Variants in AHNAK2 observed in about 807,000 individuals in gnomAD.
AHNAK2 encodes AHNAK nucleoprotein 2.
In AHNAK2, 18 loss-of-function variants were observed where a neutral mutation model predicts 30.7. The ratio of observed to expected loss-of-function variants is 0.59; its 90% CI spans 0.41 to 0.87. AHNAK2 has a LOEUF of 0.87. AHNAK2 is among the 40% of genes least tolerant of loss of function. The pLI, the probability that AHNAK2 is intolerant of heterozygous loss-of-function variation, is 0.00. For missense variants in AHNAK2, 8,604 were observed against 7,373.0 expected, an observed-to-expected ratio of 1.17 and a Z score of -6.11; for synonymous variants, 3,590 against 3,073.8, an observed-to-expected ratio of 1.17 and a Z score of -5.56.
At position 104,942,468 on chromosome 14, in the gene AHNAK2, A is replaced by G. The variant is rs376472501; in HGVS notation, c.12983T>C (p.Val4328Ala). ...EASLDVSALK[V>A]EADVSLPSMQ... Reference sequence around the variant, plus strand: ...GGAGGGGAGGCTCACGTCAGCCTCCACCTTCAGCGCAGACACATCCAACGA... The same window carrying G: ...GGAGGGGAGGCTCACGTCAGCCTCCGCCTTCAGCGCAGACACATCCAACGA... Residue 4328 changes from valine to alanine, a missense_variant, in exon 7 of 7, where the codon GTG (valine) becomes GCG (alanine). Physicochemically the swap from Val to Ala is moderately conservative, Grantham distance 64. Transcript: ENST00000333244. The G allele has an allele frequency of 6.1e-4, 991 of 1,611,550 alleles. 12 individuals are homozygous for G. The East Asian group carries it at 0.022, about 35-fold the overall frequency.
In AHNAK2 at chr14:104,951,950, C is replaced by T. The variant is rs761392049; in HGVS notation, c.3501G>A (p.Lys1167=). 1.3e-4 allele frequency: 205 copies of T among 1,611,630 alleles called. 1 individual carries two copies. The highest frequency in any genetic ancestry group is 2.6e-4 in the African/African-American group (19 of 74,086). The change falls in exon 7 of 7, where the codon AAG becomes AAA. Residue 1167 remains lysine, a synonymous_variant. Transcript: ENST00000333244. ...ACGCCCCGAACGATGGCATCTTGAA[C>T]TTGGGCATTTTGAACCTGCTGTCTT... is the stretch of plus-strand genomic sequence containing the variant. ...TAKDSRFKMP[K]FKMPSFGASA...
At chr14:104,974,864 G>A (rs1215678627) in intron 1 of AHNAK2, among the ~76,000 whole-genome samples, 1 of 152,216 alleles carries the variant, frequency 6.6e-6, no homozygotes, top group Admixed American at 6.5e-5. Context: ...GATGGCCAGT[G>A]CCCCCCACTT....
In AHNAK2 at chr14:104,944,970, G is replaced by T. The variant is rs377678493; in HGVS notation, c.10481C>A (p.Ala3494Asp). ...GVSAPGRSIE[A>D]SLDVSAPKVE... Reference sequence around the variant, plus strand: ...CTTCGGCGCAGACACATCCAGCGAGGCCTCGATGGACCTGCCTGGGGCCGA... The same window carrying T: ...CTTCGGCGCAGACACATCCAGCGAGTCCTCGATGGACCTGCCTGGGGCCGA... Residue 3494 changes from alanine (A) to aspartate (D), a missense_variant, in exon 7 of 7, where the codon GCC (alanine) becomes GAC (aspartate). Transcript: ENST00000333244. 37 of 1,612,968 alleles carry T rather than the reference G, an allele frequency of 2.3e-5. No individual in the cohort carries two copies. The highest frequency in any genetic ancestry group is 8.0e-5 in the African/African-American group (6 of 74,710).
rs1490265640 is a variant in AHNAK2 at position 104,944,698 on chromosome 14, G to A, written c.10753C>T (p.Leu3585=). The stretch of plus-strand genomic sequence containing the variant: ...CTCACTTCTGCCTTGGGGCCTTTCA[G>A]GTCCAGCTTGGGGCCCTTAACATCT... The part of the protein sequence containing the change: ...QIDVKGPKLD[L]KGPKAEVRVP... The change falls in exon 7 of 7, where the codon CTG becomes TTG. Residue 3585 remains leucine, a synonymous_variant. Coordinates refer to ENST00000333244, the MANE Select transcript of AHNAK2 (RefSeq NM_138420.4). 6.2e-7 allele frequency: 1 copy of A among 1,612,852 alleles called. No individual in the cohort carries two copies. The highest frequency in any genetic ancestry group is 8.5e-7 in the Non-Finnish European group (1 of 1,179,586).
chr14:104,948,860 C>A lies in AHNAK2; in HGVS notation c.6591G>T (p.Lys2197Asn). The A allele has an allele frequency of 6.2e-7, 1 of 1,611,506 alleles. No homozygotes were observed. Among genetic ancestry groups the A allele is most frequent in the Non-Finnish European group, 8.5e-7 (1 of 1,179,108 alleles). ...GGGGCTGAATGCTGAGGTCAGTGGT[C>A]TTGAGGTCCCCCTGCATGGAGGGGA... ...MSLPSMQGDLKTTDLSIQPLS... is the reference protein window; with the variant it reads ...MSLPSMQGDLNTTDLSIQPLS... The change falls in exon 7 of 7, where the codon AAG becomes AAT. Residue 2197 changes from lysine (K) to asparagine (N), a missense_variant. Transcript: ENST00000333244.
In AHNAK2 at chr14:104,952,255, G is replaced by A; in HGVS notation, c.3196C>T (p.Leu1066Phe). ...CCCTCGGGCAGGTGGCCCTCCGGGAGCTTCACATCCACCTGGTCAGCCTGG... is the reference window on the plus strand; with the variant it reads ...CCCTCGGGCAGGTGGCCCTCCGGGAACTTCACATCCACCTGGTCAGCCTGG... ...KVQADQVDVK[L>F]PEGHLPEGAG... The change falls in exon 7 of 7, where the codon CTC becomes TTC. Residue 1066 changes from leucine (L) to phenylalanine (F), a missense_variant. Transcript: ENST00000333244. 1 of 1,612,596 alleles carries A rather than the reference G, an allele frequency of 6.2e-7. No individual in the cohort carries two copies. The highest frequency in any genetic ancestry group is 8.5e-7 in the Non-Finnish European group (1 of 1,179,624).
chr14:104,978,318 C>G lies in AHNAK2; in HGVS notation c.-81G>C, dbSNP rs1899649776. ...GGCTCCGGCGCACGGGGCGGGCGGGCGGGAGCCGCGCTCTGCCCCGCTGCC... is the reference window on the plus strand; with the variant it reads ...GGCTCCGGCGCACGGGGCGGGCGGGGGGGAGCCGCGCTCTGCCCCGCTGCC... On this transcript the variant is annotated 5_prime_UTR_variant, in exon 1 of 7. Coordinates refer to ENST00000333244, the MANE Select transcript of AHNAK2 (RefSeq NM_138420.4). The G allele has an allele frequency of 3.1e-3, 432 of 141,424 alleles. No homozygotes were observed. Among genetic ancestry groups the G allele is most frequent in the Middle Eastern group, 0.01 (3 of 288 alleles). 8.8% of individuals were successfully genotyped at this position (141,424 alleles called of 1,614,324 possible).
Position 104,941,703 on chromosome 14 carries a change from A to C in AHNAK2, c.13748T>G (p.Met4583Arg). The C allele has an allele frequency of 6.2e-7, 1 of 1,613,352 alleles. No individual in the cohort carries two copies. Among genetic ancestry groups the C allele is most frequent in the South Asian group, 1.1e-5 (1 of 91,038 alleles). ...CAGAGACACCTCCACATCGGGGGCC[A>C]TCACCTCTGCCTTTGGGCCTTTCAG... ...LDLKGPKAEVMAPDVEVSLPS... is the reference protein window; with the variant it reads ...LDLKGPKAEVRAPDVEVSLPS... The change falls in exon 7 of 7, where the codon ATG becomes AGG. Residue 4583 changes from methionine (M) to arginine (R), a missense_variant. Met to Arg is a moderately conservative substitution (Grantham distance 91). Transcript: ENST00000333244.
At chr14:104,970,120 T>A (rs923934752) in intron 1 of AHNAK2, among the ~76,000 whole-genome samples, 2 of 152,050 alleles carry the variant, frequency 1.3e-5, no homozygotes, top group Non-Finnish European at 2.9e-5. Context: ...CCCAGGCTCC[T>A]TGGAAACAAG....
chr14:104,972,062 G>T (rs1460680519), intron 1 of AHNAK2, among the ~76,000 whole-genome samples: 2 of 152,256 alleles, frequency 1.3e-5, no homozygotes, highest in Non-Finnish European at 2.9e-5. Context: ...GGGTCCTCAA[G>T]TAGGCCAGAG....
chr14:104,947,678 G>C lies in AHNAK2; in HGVS notation c.7773C>G (p.Pro2591=), dbSNP rs759435820. The C allele has an allele frequency of 1.2e-6, 2 of 1,612,976 alleles. No homozygotes were observed. Among genetic ancestry groups the C allele is most frequent in the Non-Finnish European group, 1.7e-6 (2 of 1,179,616 alleles). The change falls in exon 7 of 7, where the codon CCC becomes CCG. Residue 2591 remains proline, a synonymous_variant. Coordinates refer to ENST00000333244, the MANE Select transcript of AHNAK2 (RefSeq NM_138420.4). ...CCTTGGGGCCTTTCAGGTCCAGCTTGGGGCCCTTGACATCTAGCTGGGGGC... is the reference window on the plus strand; with the variant it reads ...CCTTGGGGCCTTTCAGGTCCAGCTTCGGGCCCTTGACATCTAGCTGGGGGC... ...LKGPQLDVKG[P]KLDLKGPKAE...
rs201874096 is a variant in AHNAK2 at position 104,948,823 on chromosome 14, C to T, written c.6628G>A (p.Val2210Met). ...TCCACCTGGCCAGCCTGGACCTTCA[C>T]GTCGGCGGAAAGGGGCTGAATGCTG... ...DLSIQPLSAD[V>M]KVQAGQVDVK... The change falls in exon 7 of 7, where the codon GTG becomes ATG. Residue 2210 changes from valine to methionine, a missense_variant. Coordinates refer to ENST00000333244, the MANE Select transcript of AHNAK2 (RefSeq NM_138420.4). 186 of 1,588,782 alleles carry T rather than the reference C, an allele frequency of 1.2e-4. 1 individual carries two copies. In the South Asian group the frequency reaches 1.6e-3, roughly 14 times the overall value.
chr14:104,957,500 T>C lies in AHNAK2; in HGVS notation c.123A>G (p.Glu41=). 6.3e-7 allele frequency: 1 copy of C among 1,598,176 alleles called. No homozygotes were observed. The highest frequency in any genetic ancestry group is 8.5e-7 in the Non-Finnish European group (1 of 1,171,018). ...AETEDDHSVT[E]GPADEGIRPR... ...GTCGAATGCCCTCATCCGCAGGCCC[T>C]TCAGTCACCTGACGGGAGAGAATCC... Residue 41 remains glutamate, a synonymous_variant, in exon 3 of 7, where the codon GAA becomes GAG. Transcript: ENST00000333244.
In AHNAK2 at chr14:104,949,527, G is replaced by A; in HGVS notation, c.5924C>T (p.Ser1975Phe). The change falls in exon 7 of 7, where the codon TCC (serine) becomes TTC (phenylalanine). Residue 1975 changes from serine (S) to phenylalanine (F), a missense_variant. By Grantham distance (155) the Ser-to-Phe change is radical. Coordinates refer to ENST00000333244, the MANE Select transcript of AHNAK2 (RefSeq NM_138420.4). Reference sequence around the variant, plus strand: ...GGCAGTCATGTCCTTGTCGGCCAGGGACAGGTCTCCCTCCAGCCGCGCACC... The same window carrying A: ...GGCAGTCATGTCCTTGTCGGCCAGGAACAGGTCTCCCTCCAGCCGCGCACC... Reference protein sequence around the residue: ...LDGARLEGDLSLADKDMTAKD... With the variant: ...LDGARLEGDLFLADKDMTAKD... 2 of 1,588,284 alleles carry A rather than the reference G, an allele frequency of 1.3e-6. No homozygotes were observed. Among genetic ancestry groups the A allele is most frequent in the Non-Finnish European group, 1.7e-6 (2 of 1,163,054 alleles).
In AHNAK2 at chr14:104,952,255, G is replaced by C; in HGVS notation, c.3196C>G (p.Leu1066Val). ...KVQADQVDVK[L>V]PEGHLPEGAG... Reference sequence around the variant, plus strand: ...CCCTCGGGCAGGTGGCCCTCCGGGAGCTTCACATCCACCTGGTCAGCCTGG... The same window carrying C: ...CCCTCGGGCAGGTGGCCCTCCGGGACCTTCACATCCACCTGGTCAGCCTGG... The change falls in exon 7 of 7, where the codon CTC (leucine) becomes GTC (valine). Residue 1066 changes from leucine (L) to valine (V), a missense_variant. Physicochemically the swap from Leu to Val is conservative, Grantham distance 32. Transcript: ENST00000333244. The C allele has an allele frequency of 1.2e-6, 2 of 1,612,596 alleles. No homozygotes were observed. Among genetic ancestry groups the C allele is most frequent in the South Asian group, 1.1e-5 (1 of 91,034 alleles).
chr14:104,957,704 G>C, intron 1 of AHNAK2, 32 bp from the exon 2 acceptor site: 1 of 1,598,806 alleles, frequency 6.3e-7, no homozygotes, highest in Non-Finnish European at 8.5e-7. Flanking sequence ...GTGGAGACAA[G>C]CAGGCTGGGG....
In AHNAK2 at chr14:104,952,125, T is replaced by G. The variant is rs753457041; in HGVS notation, c.3326A>C (p.Asp1109Ala). ...PQVDVKGPKL[D>A]LKSPKAEVTA... Reference sequence around the variant, plus strand: ...GACTTCCGCCTTGGGGCTTTTCAGGTCCAGCTTGGGGCCCTTGACGTCCAC... The same window carrying G: ...GACTTCCGCCTTGGGGCTTTTCAGGGCCAGCTTGGGGCCCTTGACGTCCAC... Residue 1109 changes from aspartate (D) to alanine (A), a missense_variant, in exon 7 of 7, where the codon GAC (aspartate) becomes GCC (alanine). Transcript: ENST00000333244. 57 of 1,612,328 alleles carry G rather than the reference T, an allele frequency of 3.5e-5. No individual in the cohort carries two copies. The highest frequency in any genetic ancestry group is 4.5e-5 in the Non-Finnish European group (53 of 1,179,644).
chr14:104,978,179 G>T lies in AHNAK2; in HGVS notation c.55+4C>A. 1 of 1,212,454 alleles carries T rather than the reference G, an allele frequency of 8.2e-7. No individual in the cohort carries two copies. Among genetic ancestry groups the T allele is most frequent in the Non-Finnish European group, 1.0e-6 (1 of 975,020 alleles). The allele number at this position is 1,212,454 out of a possible 1,614,324, so 75.1% of individuals were successfully genotyped here. ...GAGCGGGCTGCAGGCGGGGAGGGGC[G>T]CACCGCTGCCGGGGGTTCCGGGCCA... On this transcript the variant is annotated splice_donor_region_variant and intron_variant, in intron 1 of 6. Coordinates refer to ENST00000333244, the MANE Select transcript of AHNAK2 (RefSeq NM_138420.4).
At position 104,945,350 on chromosome 14, in the gene AHNAK2, G is replaced by C. The variant is rs1479185481; in HGVS notation, c.10101C>G (p.Val3367=). 2 of 1,612,670 alleles carry C rather than the reference G, an allele frequency of 1.2e-6. No homozygotes were observed. The highest frequency in any genetic ancestry group is 1.7e-6 in the Non-Finnish European group (2 of 1,179,510). The part of the protein sequence containing the change: ...SIQLPSVDLE[V]QAGQVDVKLP... ...GCTTCACGTCCACCTGGCCAGCCTGGACCTCCAGGTCCACAGAAGGGAGCT... is the reference window on the plus strand; with the variant it reads ...GCTTCACGTCCACCTGGCCAGCCTGCACCTCCAGGTCCACAGAAGGGAGCT... The change falls in exon 7 of 7, where the codon GTC becomes GTG. Residue 3367 remains valine, a synonymous_variant. Transcript: ENST00000333244.
Sources: allele counts gnomAD v4.1 joint callset (sites outside exome capture counted in the v4.1 genomes callset), GRCh38; gene constraint gnomAD v4.1.1; transcripts MANE v1.5; gene names NCBI Gene and HGNC (gene_info 2026-07-23, HGNC 2026-07-21).